The following SGCD variants were observed in gnomAD, a reference collection of about 807,000 sequenced individuals.
SGCD encodes the protein sarcoglycan delta.
SGCD carries 18 observed loss-of-function variants against 36.6 expected under a neutral mutation model. The observed-to-expected ratio is 0.49, with a 90% confidence interval of 0.34 to 0.73. The LOEUF is 0.73. SGCD is among the 30% of genes least tolerant of loss of function. The pLI is 0.01. For missense variants in SGCD, 387 were observed against 346.7 expected (o/e 1.12, Z -0.92); for synonymous variants, 133 against 130.6 (o/e 1.02, Z -0.12).
chr5:156,154,238 A>G (rs1762895699), intron 3 of SGCD, among the ~76,000 whole-genome samples: 1 of 151,392 alleles, frequency 6.6e-6, no homozygotes, highest in African/African-American at 2.5e-5. Context: ...CCTCCCAAGG[A>G]GGAATGCAGT....
intron 3 of SGCD, among the ~76,000 whole-genome samples, chr5:156,187,573 T>C (rs189490877): frequency 7.0e-6 from 1 of 142,282 alleles, no homozygotes; most frequent in African/African-American, 2.6e-5. Context: ...AGTTTCCTCA[T>C]ATGTAAACAC....
At chr5:156,444,064 T>TTCTC (rs535098783) in intron 3 of SGCD, among the ~76,000 whole-genome samples, 560 of 34,446 alleles carry the variant, frequency 0.016, 31 homozygotes, top group Non-Finnish European at 0.019. Flanking sequence ...CTTTCTCTCC[T>TTCTC]TCTCTCTCTC....
chr5:156,641,729 G>C (rs554060345), intron 6 of SGCD, among the ~76,000 whole-genome samples: 3 of 152,104 alleles, frequency 2.0e-5, no homozygotes, highest in African/African-American at 7.2e-5. Flanking sequence ...ATCTCCTCCC[G>C]TGGGCCCTGT....
At chr5:156,442,820 C>T (rs1753555838) in intron 3 of SGCD, among the ~76,000 whole-genome samples, 2 of 152,162 alleles carry the variant, frequency 1.3e-5, no homozygotes, top group South Asian at 4.1e-4. Context: ...AGAAAATGTC[C>T]TTGCCCTTAC....
intron 3 of SGCD, among the ~76,000 whole-genome samples, chr5:156,382,675 G>C (rs1771049976): frequency 3.9e-5 from 6 of 152,132 alleles, no homozygotes; most frequent in Admixed American, 3.9e-4. Flanking sequence ...AAATCTAGTA[G>C]AGGATATATC....
upstream of SGCD, among the ~76,000 whole-genome samples, chr5:155,868,118 C>T (rs986540408): frequency 2.2e-4 from 34 of 151,798 alleles, no homozygotes; most frequent in Non-Finnish European, 3.8e-4. Context: ...GTGGTGCGAT[C>T]ATGACTCACT....
chr5:155,919,912 G>A (rs1330841518), intron 1 of SGCD, among the ~76,000 whole-genome samples: 1 of 152,184 alleles, frequency 6.6e-6, no homozygotes, highest in Non-Finnish European at 1.5e-5. Context: ...TTGCATGGGA[G>A]GAGAGACATG....
intron 7 of SGCD, among the ~76,000 whole-genome samples, chr5:156,704,566 A>T (rs1754663320): frequency 6.6e-6 from 1 of 152,210 alleles, no homozygotes; most frequent in South Asian, 2.1e-4. Context: ...AAAACAACAG[A>T]TGCCTATTTG....
intron 1 of SGCD, among the ~76,000 whole-genome samples, chr5:156,051,030 T>C (rs1759902854): frequency 6.8e-6 from 1 of 146,510 alleles, no homozygotes; most frequent in African/African-American, 2.5e-5. Flanking sequence ...TGGAGAACCA[T>C]TACTCAGCCT....
the SGCD span, among the ~76,000 whole-genome samples, chr5:155,865,127 G>GATAGATAGATAA: frequency 2.6e-5 from 4 of 151,242 alleles, no homozygotes; most frequent in African/African-American, 9.8e-5. Context: ...TAGATAGATA[G>GATAGATAGATAA]ATAGATATTT....
intron 1 of SGCD, among the ~76,000 whole-genome samples, chr5:155,906,742 G>A (rs1204412456): frequency 1.3e-5 from 2 of 151,968 alleles, no homozygotes; most frequent in South Asian, 2.1e-4. Context: ...TGAGGTTCAA[G>A]GAAAGAAGCC....
intron 2 of SGCD, among the ~76,000 whole-genome samples, chr5:156,120,716 T>A (rs1486874111): frequency 6.6e-6 from 1 of 152,148 alleles, no homozygotes; most frequent in Admixed American, 6.6e-5. Context: ...TTTATGTCAT[T>A]ACTACCTGAA....
chr5:155,846,204 C>T, the SGCD span, among the ~76,000 whole-genome samples: 1 of 152,100 alleles, frequency 6.6e-6, no homozygotes, highest in Admixed American at 6.6e-5. Context: ...TTTACTATGG[C>T]ATTTTTCACA....
chr5:156,097,824 T>G (rs1387234343), intron 1 of SGCD, among the ~76,000 whole-genome samples: 1 of 152,236 alleles, frequency 6.6e-6, no homozygotes, highest in East Asian at 1.9e-4. Context: ...CAGGATACTC[T>G]GGGTCCTGTT....
At chr5:156,667,485 T>G (rs544774908) in intron 7 of SGCD, among the ~76,000 whole-genome samples, 15 of 152,312 alleles carry the variant, frequency 9.8e-5, no homozygotes, top group Middle Eastern at 3.4e-3. Context: ...TGTTTTGCAT[T>G]TATAGGATTA....
intron 1 of SGCD, among the ~76,000 whole-genome samples, chr5:155,942,596 G>A (rs1757351272): frequency 6.6e-6 from 1 of 152,174 alleles, no homozygotes; most frequent in Admixed American, 6.5e-5. Context: ...ATTGAACAGA[G>A]ATTTCAGTGG....
chr5:156,278,060 G>A (rs895518464), intron 3 of SGCD, among the ~76,000 whole-genome samples: 1 of 152,182 alleles, frequency 6.6e-6, no homozygotes, highest in African/African-American at 2.4e-5. Context: ...GTAAGGAAAG[G>A]TGATGCTTGA....
chr5:156,128,130 TA>T (rs1468870214), intron 3 of SGCD, among the ~76,000 whole-genome samples: 1 of 151,886 alleles, frequency 6.6e-6, no homozygotes, highest in Non-Finnish European at 1.5e-5. Flanking sequence ...TAAAACTAGA[TA>T]AAATAGCCAA....
chr5:156,729,935 T>C (rs1755971151), intron 7 of SGCD, among the ~76,000 whole-genome samples: 2 of 152,144 alleles, frequency 1.3e-5, no homozygotes, highest in East Asian at 1.9e-4. Flanking sequence ...AAAATGAAAT[T>C]ATACTTCTGA....
Sources: gnomAD v4.1 joint callset for allele counts (sites outside exome capture counted in the v4.1 genomes callset) on GRCh38, gnomAD v4.1.1 for gene constraint, MANE v1.5 for transcripts, NCBI Gene and HGNC (gene_info 2026-07-23, HGNC 2026-07-21) for gene names.